The following KCNIP4 variants were observed in gnomAD, a reference collection of about 807,000 sequenced individuals.
KCNIP4 encodes the protein Kv channel-interacting protein 4.
Under a neutral mutation model 34.0 loss-of-function variants are expected in KCNIP4, and 12 were observed. The observed-to-expected ratio is 0.35, with a 90% confidence interval of 0.23 to 0.57. KCNIP4 has a LOEUF of 0.57. Ranked by LOEUF, KCNIP4 falls within the 20% of genes least tolerant of loss-of-function variation. The probability of loss-of-function intolerance (pLI) is 0.83; values close to 1 mark genes in which losing one functional copy is unlikely to be tolerated. For missense variants in KCNIP4, 238 were observed against 311.7 expected, an observed-to-expected ratio of 0.76 and a Z score of 1.78; for synonymous variants, 124 against 102.2, an observed-to-expected ratio of 1.21 and a Z score of -1.29.
At chr4:20,774,846 A>T (rs1386701032) in intron 3 of KCNIP4, among the ~76,000 whole-genome samples, 1 of 152,158 alleles carries the variant, frequency 6.6e-6, no homozygotes, top group Non-Finnish European at 1.5e-5. Context: ...AGGTTGGTTA[A>T]TTTGGGGCCT....
chr4:21,127,956 T>G (rs1262385634), intron 1 of KCNIP4, among the ~76,000 whole-genome samples: 1 of 152,244 alleles, frequency 6.6e-6, no homozygotes, highest in African/African-American at 2.4e-5. Flanking sequence ...ACAGGTATAC[T>G]GAAGACATGC....
intron 2 of KCNIP4, chr4:20,850,878 T>C (rs1033140473): frequency 3.9e-5 from 17 of 437,070 alleles, no homozygotes; most frequent in Non-Finnish European, 6.0e-5. Flanking sequence ...CATATTCTTG[T>C]CATTAATGTA....
At chr4:21,566,878 G>T (rs185151258) in intron 1 of KCNIP4, among the ~76,000 whole-genome samples, 1 of 151,996 alleles carries the variant, frequency 6.6e-6, no homozygotes, top group African/African-American at 2.4e-5. Context: ...ATGCAGCCTC[G>T]CACACATACA....
chr4:21,782,839 A>C (rs1719656258), intron 1 of KCNIP4, among the ~76,000 whole-genome samples: 1 of 152,214 alleles, frequency 6.6e-6, no homozygotes, highest in South Asian at 2.1e-4. Context: ...TTCAGGAATA[A>C]AAAAGAACAA....
intron 1 of KCNIP4, among the ~76,000 whole-genome samples, chr4:21,706,198 T>G (rs1389537235): frequency 2.0e-5 from 3 of 152,178 alleles, no homozygotes; most frequent in Non-Finnish European, 4.4e-5. Flanking sequence ...ACAGATGTCT[T>G]TAATATTTCA....
chr4:21,696,265 C>T (rs1041115868), intron 1 of KCNIP4, among the ~76,000 whole-genome samples: 6 of 151,968 alleles, frequency 3.9e-5, no homozygotes, highest in Admixed American at 6.6e-5. Context: ...AGTTAATTAT[C>T]GCCAAGACTT....
intron 1 of KCNIP4, among the ~76,000 whole-genome samples, chr4:21,441,786 A>G (rs1463874098): frequency 6.6e-6 from 1 of 152,236 alleles, no homozygotes; most frequent in African/African-American, 2.4e-5. Flanking sequence ...AGAATAAGAA[A>G]TATACATTAT....
At chr4:21,082,448 A>G (rs912419895) in intron 1 of KCNIP4, among the ~76,000 whole-genome samples, 5 of 151,976 alleles carry the variant, frequency 3.3e-5, no homozygotes, top group South Asian at 2.1e-4. Context: ...AACCTCATTA[A>G]CAGATCATTT....
intron 1 of KCNIP4, among the ~76,000 whole-genome samples, chr4:21,728,097 A>G (rs10011983): frequency 0.38 from 58,107 of 151,876 alleles, 12,605 homozygotes; most frequent in East Asian, 0.68. Context: ...CCTGCTTTCC[A>G]GGTAATTCCA....
At chr4:21,910,858 A>G (rs890367977) in intron 1 of KCNIP4, among the ~76,000 whole-genome samples, 14 of 152,146 alleles carry the variant, frequency 9.2e-5, no homozygotes, top group African/African-American at 3.4e-4. Flanking sequence ...TCATTTGTTA[A>G]GTGATTAGTA....
chr4:21,346,744 A>G (rs1483212113), intron 1 of KCNIP4, among the ~76,000 whole-genome samples: 14 of 152,146 alleles, frequency 9.2e-5, no homozygotes, highest in Admixed American at 8.5e-4. Context: ...ATGCCTTTCT[A>G]AAAAGCTCCC....
At chr4:21,323,729 G>A (rs1002585606) in intron 1 of KCNIP4, among the ~76,000 whole-genome samples, 3 of 152,020 alleles carry the variant, frequency 2.0e-5, no homozygotes, top group Non-Finnish European at 4.4e-5. Flanking sequence ...AAATATGGGA[G>A]CGCAGATATC....
chr4:20,864,247 T>C (rs903708696), intron 2 of KCNIP4, among the ~76,000 whole-genome samples: 6 of 151,354 alleles, frequency 4.0e-5, no homozygotes, highest in African/African-American at 7.3e-5. Context: ...CATATGTATG[T>C]ATATATGCAC....
chr4:21,766,420 A>G (rs911364090), intron 1 of KCNIP4, among the ~76,000 whole-genome samples: 1 of 152,070 alleles, frequency 6.6e-6, no homozygotes, highest in Non-Finnish European at 1.5e-5. Context: ...CTCACATGCA[A>G]GTTCATTTGT....
chr4:21,215,415 C>G (rs1218996549), intron 1 of KCNIP4, among the ~76,000 whole-genome samples: 3 of 152,200 alleles, frequency 2.0e-5, no homozygotes, highest in Non-Finnish European at 4.4e-5. Context: ...TTGATTCAAG[C>G]AAATGCGTGT....
At chr4:21,652,924 T>C (rs1186110876) in intron 1 of KCNIP4, among the ~76,000 whole-genome samples, 3 of 152,168 alleles carry the variant, frequency 2.0e-5, no homozygotes, top group Non-Finnish European at 2.9e-5. Flanking sequence ...CATCCATTGC[T>C]GGGCAACAGA....
intron 1 of KCNIP4, among the ~76,000 whole-genome samples, chr4:20,908,717 G>C (rs1204136193): frequency 6.6e-6 from 1 of 152,198 alleles, no homozygotes; most frequent in Non-Finnish European, 1.5e-5. Flanking sequence ...GACCATAGTT[G>C]TAATAGCTGT....
chr4:21,918,830 GAGGAAAACGTTTTGCCA>G (rs913528856), intron 1 of KCNIP4, among the ~76,000 whole-genome samples: 3 of 152,136 alleles, frequency 2.0e-5, no homozygotes, highest in African/African-American at 7.2e-5. Flanking sequence ...TTAAGTATGT[GAGGAAAACGTTTTGCCA>G]AGGAAACCCA....
At chr4:21,088,259 G>A (rs774978597) in intron 1 of KCNIP4, among the ~76,000 whole-genome samples, 7 of 152,096 alleles carry the variant, frequency 4.6e-5, no homozygotes, top group South Asian at 2.1e-4. Context: ...GAACTGAGGC[G>A]TCTTGTGGGA....
Sources: gnomAD v4.1 joint callset for allele counts (sites outside exome capture counted in the v4.1 genomes callset) on GRCh38, gnomAD v4.1.1 for gene constraint, MANE v1.5 for transcripts, NCBI Gene and HGNC (gene_info 2026-07-23, HGNC 2026-07-21) for gene names.